CHLSN: variants seen among roughly 807,000 people sequenced by gnomAD.
CHLSN encodes the protein cholesin, also known as protein cholesin.
chr7:993,619 AT>A, the CHLSN span, among the ~76,000 whole-genome samples: 1 of 152,144 alleles, frequency 6.6e-6, no homozygotes, highest in Non-Finnish European at 1.5e-5. Context: ...TCTACAAAAA[AT>A]ACAACAATTA....
chr7:1,102,740 G>A, the CHLSN span, among the ~76,000 whole-genome samples: 30 of 152,320 alleles, frequency 2.0e-4, no homozygotes, highest in Non-Finnish European at 2.9e-4. Flanking sequence ...CCGCAGGCAC[G>A]GTGCCCGCCT....
chr7:1,002,699 C>T, the CHLSN span, among the ~76,000 whole-genome samples: 686 of 38,264 alleles, frequency 0.018, 13 homozygotes, highest in Middle Eastern at 0.056. Flanking sequence ...GTGAGTGGAG[C>T]CCTGTGGGTG....
chr7:1,011,337 TACA>T, the CHLSN span, among the ~76,000 whole-genome samples: 1 of 111,526 alleles, frequency 9.0e-6, no homozygotes, highest in Non-Finnish European at 1.8e-5. Context: ...CACACCCACA[TACA>T]ACCACACACA....
the CHLSN span, chr7:988,217 C>G: frequency 3.3e-6 from 5 of 1,521,538 alleles, no homozygotes; most frequent in Non-Finnish European, 4.4e-6. Context: ...AACTTCCCAA[C>G]CCAGGCCCCA....
chr7:995,691 C>A, the CHLSN span, among the ~76,000 whole-genome samples: 3 of 152,296 alleles, frequency 2.0e-5, no homozygotes, highest in African/African-American at 7.2e-5. Flanking sequence ...GGATCGCAGG[C>A]ACCGCCTGGC....
chr7:1,047,254 GCCCGT>G, the CHLSN span, among the ~76,000 whole-genome samples: 1 of 152,188 alleles, frequency 6.6e-6, no homozygotes, highest in African/African-American at 2.4e-5. Flanking sequence ...GGCCCCCAGA[GCCCGT>G]CCTGGAGCCG....
At chr7:994,419 C>T in the CHLSN span, among the ~76,000 whole-genome samples, 2 of 152,196 alleles carry the variant, frequency 1.3e-5, no homozygotes, top group East Asian at 1.9e-4. Context: ...TTGGCCCCCC[C>T]CAAAGTGTTG....
chr7:1,113,576 C>A, the CHLSN span, among the ~76,000 whole-genome samples: 1,975 of 152,316 alleles, frequency 0.013, 35 homozygotes, highest in African/African-American at 0.045. Context: ...CGGATGGCAG[C>A]GCTGGGCAGG....
the CHLSN span, among the ~76,000 whole-genome samples, chr7:1,016,966 ACGC>A: frequency 1.3e-3 from 182 of 136,070 alleles, 10 homozygotes; most frequent in African/African-American, 5.3e-3. Context: ...ACAGCAGCAC[ACGC>A]CAGCACACAC....
the CHLSN span, chr7:988,731 G>T: frequency 6.3e-7 from 1 of 1,599,476 alleles, no homozygotes; most frequent in Non-Finnish European, 8.5e-7. Context: ...CCCCCGCCTG[G>T]CGTCAGTCCG....
At chr7:1,031,085 C>G in the CHLSN span, among the ~76,000 whole-genome samples, 3 of 152,178 alleles carry the variant, frequency 2.0e-5, no homozygotes, top group South Asian at 6.2e-4. Context: ...GCCCCCTCCC[C>G]CAGCAGGTCG....
chr7:1,077,462 C>T, the CHLSN span, among the ~76,000 whole-genome samples: 1 of 152,066 alleles, frequency 6.6e-6, no homozygotes, highest in Non-Finnish European at 1.5e-5. Flanking sequence ...GCCTCAGGTC[C>T]TATTTGAAGT....
the CHLSN span, among the ~76,000 whole-genome samples, chr7:1,012,244 G>A: frequency 3.9e-5 from 6 of 152,264 alleles, no homozygotes; most frequent in Non-Finnish European, 8.8e-5. Context: ...GCCCACATGC[G>A]TGGGGCACCC....
chr7:1,042,336 C>A, the CHLSN span, among the ~76,000 whole-genome samples: 53,318 of 152,170 alleles, frequency 0.35, 9,513 homozygotes, highest in Middle Eastern at 0.43. Flanking sequence ...GTGACTTCAA[C>A]CATCAACACT....
chr7:1,049,878 C>T, the CHLSN span, among the ~76,000 whole-genome samples: 1 of 152,224 alleles, frequency 6.6e-6, no homozygotes, highest in Non-Finnish European at 1.5e-5. Flanking sequence ...TGGGCAGGGA[C>T]AGCTGAAGCT....
At chr7:1,099,574 T>A in the CHLSN span, among the ~76,000 whole-genome samples, 1 of 152,226 alleles carries the variant, frequency 6.6e-6, no homozygotes, top group South Asian at 2.1e-4. Context: ...ACCTGGAGTG[T>A]CTTTGGATGT....
chr7:1,137,852 A>T, the CHLSN span: 1 of 152,252 alleles, frequency 6.6e-6, no homozygotes, highest in Non-Finnish European at 1.5e-5. Context: ...CTCGGAGGGC[A>T]ATCAGGGCGT....
the CHLSN span, among the ~76,000 whole-genome samples, chr7:1,008,636 C>T: frequency 6.6e-6 from 1 of 152,160 alleles, no homozygotes; most frequent in Non-Finnish European, 1.5e-5. Context: ...AGGCTTGCCC[C>T]CATCCCCATT....
chr7:1,117,726 C>A, the CHLSN span, among the ~76,000 whole-genome samples: 1 of 148,368 alleles, frequency 6.7e-6, no homozygotes, highest in Non-Finnish European at 1.5e-5. Context: ...CCAACGCCCA[C>A]GCAGGATGAT....
Sources: gnomAD v4.1 joint callset for allele counts (sites outside exome capture counted in the v4.1 genomes callset) on GRCh38, gnomAD v4.1.1 for gene constraint, MANE v1.5 for transcripts, NCBI Gene and HGNC (gene_info 2026-07-23, HGNC 2026-07-21) for gene names.